Variants in SETD1A observed in about 807,000 individuals in gnomAD.
The protein encoded by SETD1A is SET domain containing 1A, histone lysine methyltransferase.
Under a neutral mutation model 149.9 loss-of-function variants are expected in SETD1A, and 29 were observed. That is an observed-to-expected ratio of 0.19 (90% CI 0.14 to 0.26). The LOEUF is 0.26. Among genes scored for constraint, SETD1A ranks in the 10% least tolerant of loss-of-function variants. SETD1A has a pLI of 1.00. For missense variants in SETD1A, 2,109 were observed against 2,353.1 expected, an observed-to-expected ratio of 0.90 and a Z score of 2.15; for synonymous variants, 1,141 against 968.5, an observed-to-expected ratio of 1.18 and a Z score of -3.31.
intron 13 of SETD1A, among the ~76,000 whole-genome samples, chr16:30,978,176 A>AG (rs1464279538): frequency 6.6e-6 from 1 of 150,744 alleles, no homozygotes; most frequent in Non-Finnish European, 1.5e-5. Flanking sequence ...CGGGAGGCTG[A>AG]GGCAGGAGAA....
chr16:30,975,806 A>G (rs764616081), intron 13 of SETD1A, among the ~76,000 whole-genome samples: 16 of 152,076 alleles, frequency 1.1e-4, no homozygotes, highest in Non-Finnish European at 1.5e-4. Context: ...AACTAAGGTT[A>G]CCAGCCAGAG....
chr16:30,976,327 G>A (rs2056284951), intron 13 of SETD1A, among the ~76,000 whole-genome samples: 2 of 152,176 alleles, frequency 1.3e-5, no homozygotes, highest in South Asian at 4.1e-4. Context: ...TGAGGAGGCT[G>A]CAGTAAACAG....
Position 30,979,584 on chromosome 16 carries a change from C to T in SETD1A, c.3798C>T (p.Arg1266=), listed in dbSNP as rs775811189. The change falls in exon 14 of 19, where the codon CGC becomes CGT. Residue 1266 remains arginine, a synonymous_variant. Coordinates refer to ENST00000262519, the MANE Select transcript of SETD1A (RefSeq NM_014712.3). ...ACCTGGCCCTGACCCCTGCCCGGCG[C>T]GGGCTGCCTGCCCTGCCTGCTGTTG... ...LADLALTPAR[R]GLPALPAVED... is the part of the protein sequence containing the mutation. 8.7e-5 allele frequency: 140 copies of T among 1,610,406 alleles called. No homozygotes were observed. The highest frequency in any genetic ancestry group is 1.1e-4 in the Non-Finnish European group (130 of 1,179,598).
intron 8 of SETD1A, 43 bp from the exon 9 acceptor site, chr16:30,966,841 C>T (rs1334673562): frequency 6.7e-7 from 1 of 1,500,808 alleles, no homozygotes; most frequent in Non-Finnish European, 8.9e-7. Flanking sequence ...GAGGGAATGC[C>T]TGGGTTCTGG....
At chr16:30,967,727 G>T in intron 10 of SETD1A, 139 bp downstream of exon 10, 1 of 698,046 alleles carries the variant, frequency 1.4e-6, no homozygotes. Flanking sequence ...GCAGTTCTGA[G>T]AGGTATGGGA....
intron 10 of SETD1A, among the ~76,000 whole-genome samples, chr16:30,967,906 C>T (rs1408482661): frequency 2.0e-5 from 3 of 152,094 alleles, no homozygotes; most frequent in African/African-American, 7.2e-5. Context: ...ATGCTAATGC[C>T]CTCCTACCAC....
In SETD1A at chr16:30,965,326, T is replaced by C. The variant is rs1373097928; in HGVS notation, c.1584T>C (p.Ser528=). ...TCCTTGGGGCCAGAGATACAGGGAG[T>C]GAGGTGCCTTCTGGGTCAGGGCATG... The part of the protein sequence containing the change: ...SMVLGARDTG[S]EVPSGSGHGP... Residue 528 remains serine (S), a synonymous_variant, in exon 7 of 19, where the codon AGT becomes AGC. Coordinates refer to ENST00000262519, the MANE Select transcript of SETD1A (RefSeq NM_014712.3). 6.2e-7 allele frequency: 1 copy of C among 1,613,940 alleles called. No individual in the cohort carries two copies. The highest frequency in any genetic ancestry group is 2.2e-5 in the East Asian group (1 of 44,852).
At chr16:30,959,007 A>ATG (rs2143448533) in intron 2 of SETD1A, 84 bp from the exon 3 acceptor site, 4 of 1,436,688 alleles carry the variant, frequency 2.8e-6, no homozygotes, top group Non-Finnish European at 3.9e-6. Context: ...GCTCTTCTGC[A>ATG]TGTGTGTGTC....
intron 13 of SETD1A, among the ~76,000 whole-genome samples, chr16:30,976,024 A>G (rs566545800): frequency 1.4e-5 from 2 of 147,364 alleles, no homozygotes; most frequent in Admixed American, 6.9e-5. Context: ...AGGCAGGGAG[A>G]TGGGGGTGTT....
chr16:30,964,989 A>T lies in SETD1A; in HGVS notation c.1247A>T (p.Glu416Val), dbSNP rs201516535. Residue 416 changes from glutamate (E) to valine (V), a missense_variant, in exon 7 of 19, where the codon GAG (glutamate) becomes GTG (valine). This residue lies in a region of SETD1A where 410 missense variants were observed against 394.8 expected (regional missense o/e 1.04). Transcript: ENST00000262519. ...PPSYTSYLPP[E>V]PSRPTDQDYR... The stretch of plus-strand genomic sequence containing the variant: ...TCTTACACCTCCTACCTGCCCCCCG[A>T]GCCCAGCCGGCCCACCGACCAGGAC... The T allele has an allele frequency of 3.1e-6, 5 of 1,613,676 alleles. No individual in the cohort carries two copies. In the East Asian group the frequency reaches 1.1e-4, roughly 36 times the overall value.
Position 30,983,625 on chromosome 16 carries a change from A to T in SETD1A, c.4813-10A>T. ...GACTCTTCCCTGACCATCGCATCTCACCCTGGCAGATGGTGGCCGACATGC... is the reference window on the plus strand; with the variant it reads ...GACTCTTCCCTGACCATCGCATCTCTCCCTGGCAGATGGTGGCCGACATGC... On this transcript the variant is annotated splice_polypyrimidine_tract_variant and intron_variant, in intron 17 of 18. Transcript: ENST00000262519. This position sits in a 1 kb window ranked among gnomAD's most constrained non-coding sequence, Gnocchi z 6.8. 2 of 1,610,678 alleles carry T rather than the reference A, an allele frequency of 1.2e-6. No individual in the cohort carries two copies. The highest frequency in any genetic ancestry group is 1.7e-6 in the Non-Finnish European group (2 of 1,179,206).
At position 30,984,120 on chromosome 16, in the gene SETD1A, A is replaced by G; in HGVS notation, c.*97A>G. 1 of 1,165,598 alleles carries G rather than the reference A, an allele frequency of 8.6e-7. No homozygotes were observed. Among genetic ancestry groups the G allele is most frequent in the Non-Finnish European group, 1.2e-6 (1 of 846,368 alleles). The allele number at this position is 1,165,598 out of a possible 1,614,324, so 72.2% of individuals were successfully genotyped here. The stretch of plus-strand genomic sequence containing the variant: ...CCTTAGTGGGCTCAGCAGGGCCCAC[A>G]TGCCCCCATCTCCAAGCGTGGGGTT... On this transcript the variant is annotated 3_prime_UTR_variant, in exon 19 of 19. Transcript: ENST00000262519.
Position 30,979,918 on chromosome 16 carries a change from G to C in SETD1A, c.4132G>C (p.Asp1378His). ...EGEEEEEESS[D>H]SSSSSDGEGA... Reference sequence around the variant, plus strand: ...GGAGGAAGAGGAGGAGGAGTCCTCTGACAGCAGCAGCAGCAGCGATGGGGA... The same window carrying C: ...GGAGGAAGAGGAGGAGGAGTCCTCTCACAGCAGCAGCAGCAGCGATGGGGA... Residue 1378 changes from aspartate to histidine, a missense_variant, in exon 14 of 19, where the codon GAC becomes CAC. By Grantham distance (81) the Asp-to-His change is moderately conservative. This residue lies in a region of SETD1A where 832 missense variants were observed against 815.6 expected (regional missense o/e 1.02). Coordinates refer to ENST00000262519, the MANE Select transcript of SETD1A (RefSeq NM_014712.3). 6.5e-7 allele frequency: 1 copy of C among 1,534,362 alleles called. No homozygotes were observed. Among genetic ancestry groups the C allele is most frequent in the Non-Finnish European group, 8.7e-7 (1 of 1,145,666 alleles).
chr16:30,960,688 A>G (rs1188139358), intron 3 of SETD1A, among the ~76,000 whole-genome samples: 1 of 142,480 alleles, frequency 7.0e-6, no homozygotes, highest in Non-Finnish European at 1.5e-5. Context: ...CGTTCTCTCC[A>G]CGTATATTTA....
Position 30,979,701 on chromosome 16 carries a change from C to T in SETD1A, c.3915C>T (p.Ala1305=), listed in dbSNP as rs754761866. 1.6e-5 allele frequency: 25 copies of T among 1,604,188 alleles called. No individual in the cohort carries two copies. Among genetic ancestry groups the T allele is most frequent in the Admixed American group, 8.3e-5 (5 of 59,926 alleles). ...HILLEHNYAL[A]VKPTPPAPAL... is the part of the protein sequence containing the mutation. The stretch of plus-strand genomic sequence containing the variant: ...TCCTGGAGCACAACTATGCCCTGGC[C>T]GTCAAGCCCACGCCCCCTGCGCCAG... Residue 1305 remains alanine, a synonymous_variant, in exon 14 of 19, where the codon GCC becomes GCT. Transcript: ENST00000262519.
In SETD1A at chr16:30,966,122, C is replaced by T; in HGVS notation, c.2241C>T (p.Ala747=). The part of the protein sequence containing the change: ...QEGRGAYSRE[A]YHLPMPMAAE... Reference sequence around the variant, plus strand: ...GCAGAGGGGCATACTCACGGGAGGCCTACCACCTGCCCATGCCAATGGCAG... The same window carrying T: ...GCAGAGGGGCATACTCACGGGAGGCTTACCACCTGCCCATGCCAATGGCAG... Residue 747 remains alanine (A), a synonymous_variant, in exon 8 of 19, where the codon GCC becomes GCT. Transcript: ENST00000262519. 1 of 1,601,574 alleles carries T rather than the reference C, an allele frequency of 6.2e-7. No individual in the cohort carries two copies. Among genetic ancestry groups the T allele is most frequent in the Non-Finnish European group, 8.5e-7 (1 of 1,172,840 alleles).
At chr16:30,982,015 G>C (rs1466858892) in intron 17 of SETD1A, among the ~76,000 whole-genome samples, 1 of 152,166 alleles carries the variant, frequency 6.6e-6, no homozygotes, top group Non-Finnish European at 1.5e-5. Context: ...GATCTGGGGA[G>C]TTGGGCTATG....
Position 30,961,073 on chromosome 16 carries a change from C to T in SETD1A, c.247-194C>T, listed in dbSNP as rs2056046093. The stretch of plus-strand genomic sequence containing the variant: ...TGCACATTTCTGTTCTTAATTCTTG[C>T]TGTTATTCTGTGGTGAGAAGAATTC... On this transcript the variant is annotated intron_variant, in intron 3 of 18. Coordinates refer to ENST00000262519, the MANE Select transcript of SETD1A (RefSeq NM_014712.3). The surrounding 1 kb of genome is among the most constrained non-coding windows in gnomAD (Gnocchi z 4.0). Among the ~76,000 whole-genome samples, 1 of 152,038 alleles carries T rather than the reference C, an allele frequency of 6.6e-6. No individual in the cohort carries two copies. Among genetic ancestry groups the T allele is most frequent in the Non-Finnish European group, 1.5e-5 (1 of 68,006 alleles).
At position 30,965,002 on chromosome 16, in the gene SETD1A, C is replaced by T. The variant is rs1276955938; in HGVS notation, c.1260C>T (p.Pro420=). ...TSYLPPEPSR[P]TDQDYRPPAS... is the part of the protein sequence containing the mutation. ...ACCTGCCCCCCGAGCCCAGCCGGCC[C>T]ACCGACCAGGACTACCGGCCTCCTG... The change falls in exon 7 of 19, where the codon CCC becomes CCT. Residue 420 remains proline, a synonymous_variant. Coordinates refer to ENST00000262519, the MANE Select transcript of SETD1A (RefSeq NM_014712.3). 6.2e-7 allele frequency: 1 copy of T among 1,613,872 alleles called. No homozygotes were observed. Among genetic ancestry groups the T allele is most frequent in the Admixed American group, 1.7e-5 (1 of 60,034 alleles).
Sources: gnomAD v4.1 joint callset for allele counts (sites outside exome capture counted in the v4.1 genomes callset) on GRCh38, gnomAD v4.1.1 for gene constraint, gnomAD v4.1.1 regional missense constraint, Gnocchi (gnomAD v3.1) non-coding constraint, MANE v1.5 for transcripts, NCBI Gene and HGNC (gene_info 2026-07-23, HGNC 2026-07-21) for gene names.